UNC13C: variants seen among roughly 807,000 people sequenced by gnomAD.
UNC13C encodes protein unc-13 homolog C.
A neutral mutation model predicts 245.4 loss-of-function variants in UNC13C; 174 were observed. The observed-to-expected ratio is 0.71, with a 90% CI of 0.63 to 0.80. The LOEUF (loss-of-function observed/expected upper bound fraction) is 0.80. UNC13C is among the 30% of genes least tolerant of loss of function. The pLI is 0.00. For synonymous variants in UNC13C, 992 were observed against 895.1 expected (o/e 1.11, Z -1.93); for missense variants, 2,829 against 2,602.9 (o/e 1.09, Z -1.89).
chr15:54,596,739 G>A (rs961314909), intron 30 of UNC13C, among the ~76,000 whole-genome samples: 1 of 152,142 alleles, frequency 6.6e-6, no homozygotes, highest in Non-Finnish European at 1.5e-5. Context: ...GGAAATGAGT[G>A]ATTTATTGCT....
chr15:54,352,575 A>G (rs1006313740), intron 17 of UNC13C, among the ~76,000 whole-genome samples: 1 of 151,798 alleles, frequency 6.6e-6, no homozygotes, highest in East Asian at 1.9e-4. Context: ...GTCAAACAGA[A>G]GGCATAAAAC....
At chr15:54,412,495 A>C (rs1235534725) in intron 18 of UNC13C, among the ~76,000 whole-genome samples, 5 of 152,334 alleles carry the variant, frequency 3.3e-5, no homozygotes, top group Admixed American at 2.6e-4. Context: ...CTCAACATGT[A>C]GGGATTACAG....
At chr15:54,356,065 C>T (rs2039088379) in intron 17 of UNC13C, among the ~76,000 whole-genome samples, 1 of 152,152 alleles carries the variant, frequency 6.6e-6, no homozygotes, top group Admixed American at 6.5e-5. Context: ...CTAAAATATT[C>T]TCATTTTTTA....
At chr15:54,374,435 G>T (rs1029586600) in intron 17 of UNC13C, among the ~76,000 whole-genome samples, 8 of 152,188 alleles carry the variant, frequency 5.3e-5, no homozygotes, top group African/African-American at 1.9e-4. Context: ...GTCTGGAGGG[G>T]CCAAGGCAGC....
intron 10 of UNC13C, among the ~76,000 whole-genome samples, chr15:54,293,618 A>C (rs111462601): frequency 6.6e-6 from 1 of 152,040 alleles, no homozygotes; most frequent in Non-Finnish European, 1.5e-5. Context: ...AAAATATCAC[A>C]AGCAAAGATT....
chr15:53,846,207 C>A, the UNC13C span, among the ~76,000 whole-genome samples: 1 of 152,106 alleles, frequency 6.6e-6, no homozygotes. Context: ...TGAGGCATAA[C>A]CCCATTGTAA....
chr15:54,448,555 T>C (rs2141002989), intron 19 of UNC13C, among the ~76,000 whole-genome samples: 1 of 152,318 alleles, frequency 6.6e-6, no homozygotes, highest in Non-Finnish European at 1.5e-5. Context: ...TTTTGATCTT[T>C]GTTGGTTTAA....
intron 17 of UNC13C, among the ~76,000 whole-genome samples, chr15:54,370,857 T>G: frequency 6.6e-6 from 1 of 152,280 alleles, no homozygotes; most frequent in Middle Eastern, 3.4e-3. Flanking sequence ...TTCATTAAAA[T>G]ATAATTTTTT....
chr15:54,117,752 G>A (rs918853464), intron 2 of UNC13C, among the ~76,000 whole-genome samples: 2 of 151,834 alleles, frequency 1.3e-5, no homozygotes, highest in Non-Finnish European at 2.9e-5. Context: ...GCTATTTTTT[G>A]CATTTTTTTG....
downstream of UNC13C, chr15:54,630,192 T>C (rs1041405471): frequency 6.6e-6 from 1 of 152,224 alleles, no homozygotes; most frequent in Non-Finnish European, 1.5e-5. Context: ...AAATCAAATT[T>C]AGCAAACACA....
chr15:54,015,051 A>G lies in UNC13C; in HGVS notation c.2148A>G (p.Gln716=). 6.2e-7 allele frequency: 1 copy of G among 1,613,090 alleles called. No individual in the cohort carries two copies. The highest frequency in any genetic ancestry group is 8.5e-7 in the Non-Finnish European group (1 of 1,179,556). ...ACTCAGAGAGCTACGACTTAACTCAAGATGACAATTCTTCTCCATGCCCTG... is the reference window on the plus strand; with the variant it reads ...ACTCAGAGAGCTACGACTTAACTCAGGATGACAATTCTTCTCCATGCCCTG... ...QDDSESYDLT[Q]DDNSSPCPGL... The change falls in exon 2 of 33, where the codon CAA becomes CAG. Residue 716 remains glutamine, a synonymous_variant. Coordinates refer to ENST00000260323, the MANE Select transcript of UNC13C (RefSeq NM_001080534.3).
chr15:53,866,428 A>T, the UNC13C span, among the ~76,000 whole-genome samples: 244 of 152,314 alleles, frequency 1.6e-3, no homozygotes, highest in Middle Eastern at 6.8e-3. Context: ...AGTAATGAGG[A>T]GGTGTTTACT....
the UNC13C span, among the ~76,000 whole-genome samples, chr15:53,872,597 A>G: frequency 1.9e-4 from 29 of 152,118 alleles, no homozygotes; most frequent in Non-Finnish European, 3.5e-4. Flanking sequence ...CAAAATTATT[A>G]TGACAACTTC....
the UNC13C span, among the ~76,000 whole-genome samples, chr15:53,958,371 A>G: frequency 1.3e-5 from 2 of 152,262 alleles, no homozygotes; most frequent in South Asian, 2.1e-4. Flanking sequence ...TGTTTTCTCC[A>G]CTACCACAAT....
At chr15:54,365,154 G>A (rs901401647) in intron 17 of UNC13C, among the ~76,000 whole-genome samples, 1 of 151,962 alleles carries the variant, frequency 6.6e-6, no homozygotes, top group African/African-American at 2.4e-5. Flanking sequence ...GGCCCTCTCA[G>A]TATTTTCCTG....
intron 18 of UNC13C, among the ~76,000 whole-genome samples, chr15:54,411,675 TAG>T (rs2040419392): frequency 6.6e-6 from 1 of 152,180 alleles, no homozygotes; most frequent in Non-Finnish European, 1.5e-5. Context: ...TCTTGTCTTG[TAG>T]TTGAAGACAT....
chr15:54,329,891 A>C (rs886786051), intron 14 of UNC13C, among the ~76,000 whole-genome samples: 3 of 152,048 alleles, frequency 2.0e-5, no homozygotes, highest in African/African-American at 7.2e-5. Flanking sequence ...ACAGAAACTC[A>C]TGAAATACAT....
chr15:54,581,400 C>T (rs1206763343), intron 30 of UNC13C, among the ~76,000 whole-genome samples: 1 of 152,208 alleles, frequency 6.6e-6, no homozygotes, highest in East Asian at 1.9e-4. Context: ...AACACAAAAA[C>T]TTATTTTCCA....
At chr15:54,576,445 G>C (rs1328444488) in intron 30 of UNC13C, among the ~76,000 whole-genome samples, 1 of 152,120 alleles carries the variant, frequency 6.6e-6, no homozygotes, top group Non-Finnish European at 1.5e-5. Flanking sequence ...CTGATACTTA[G>C]TTTTCATGTT....
Sources: allele counts gnomAD v4.1 joint callset (sites outside exome capture counted in the v4.1 genomes callset), GRCh38; gene constraint gnomAD v4.1.1; transcripts MANE v1.5; gene names NCBI Gene and HGNC (gene_info 2026-07-23, HGNC 2026-07-21).